CDH4: variants seen among roughly 807,000 people sequenced by gnomAD.
CDH4 encodes cadherin 4.
Under a neutral mutation model 86.0 loss-of-function variants are expected in CDH4, and 33 were observed. The ratio of observed to expected loss-of-function variants is 0.38; its 90% CI spans 0.29 to 0.51. The LOEUF is 0.51. Among genes scored for constraint, CDH4 ranks in the 20% least tolerant of loss-of-function variants. The pLI is 0.86. For synonymous variants in CDH4, 555 were observed against 549.4 expected (o/e 1.01, Z -0.14); for missense variants, 1,114 against 1,307.4 (o/e 0.85, Z 2.28).
At chr20:61,622,298 G>A (rs534380934) in intron 2 of CDH4, among the ~76,000 whole-genome samples, 13 of 152,370 alleles carry the variant, frequency 8.5e-5, no homozygotes, top group African/African-American at 2.6e-4. Context: ...TTTTATGCAC[G>A]GGGGCCACCT....
chr20:61,924,546 G>T, intron 11 of CDH4, 70 bp downstream of exon 11: 1 of 1,543,692 alleles, frequency 6.5e-7, no homozygotes, highest in Non-Finnish European at 8.8e-7. Context: ...GGGCGAGGGA[G>T]GGTGCTGGCC....
intron 2 of CDH4, among the ~76,000 whole-genome samples, chr20:61,576,830 A>G (rs2253331): frequency 0.11 from 16,422 of 152,228 alleles, 933 homozygotes; most frequent in South Asian, 0.17. Flanking sequence ...GTACCTCTCC[A>G]CAGTTTGTTT....
At chr20:61,798,155 C>A (rs1224794710) in intron 4 of CDH4, among the ~76,000 whole-genome samples, 1 of 151,782 alleles carries the variant, frequency 6.6e-6, no homozygotes, top group African/African-American at 2.4e-5. Context: ...CTGCGCCTCT[C>A]CTGAGCCAGC....
intron 6 of CDH4, among the ~76,000 whole-genome samples, chr20:61,861,335 C>G (rs1017666360): frequency 6.6e-6 from 1 of 152,206 alleles, no homozygotes; most frequent in Non-Finnish European, 1.5e-5. Context: ...GTTCTCCATA[C>G]AAATCAGCTC....
intron 4 of CDH4, among the ~76,000 whole-genome samples, chr20:61,816,480 G>C (rs6061841): frequency 0.011 from 1,727 of 152,286 alleles, 37 homozygotes; most frequent in African/African-American, 0.038. Flanking sequence ...TATTATATAT[G>C]TGCAAACTGG....
chr20:61,762,005 G>T (rs1258290470), intron 3 of CDH4, among the ~76,000 whole-genome samples: 1 of 152,264 alleles, frequency 6.6e-6, no homozygotes, highest in African/African-American at 2.4e-5. Flanking sequence ...AAGCTGCAAT[G>T]CTTTGCCTTT....
At chr20:61,271,723 C>T (rs924742243) in intron 2 of CDH4, among the ~76,000 whole-genome samples, 1 of 152,220 alleles carries the variant, frequency 6.6e-6, no homozygotes. Flanking sequence ...TTGTGCCTTA[C>T]CCTGGGCAAG....
In CDH4 at chr20:61,252,595, C is replaced by T; in HGVS notation, c.57+25C>T. The T allele has an allele frequency of 8.3e-7, 1 of 1,198,846 alleles. No individual in the cohort carries two copies. Among genetic ancestry groups the T allele is most frequent in the Non-Finnish European group, 1.0e-6 (1 of 965,166 alleles). The allele number at this position is 1,198,846 out of a possible 1,614,324, so 74.3% of individuals were successfully genotyped here. ...GGTAAGTTGCCGCCTCCCGCCCCCG[C>T]CGTTCGGAAGCCCCGGGCAGCGGGA... On this transcript the variant is annotated intron_variant, in intron 1 of 15. Transcript: ENST00000614565. This position sits in a 1 kb window ranked among gnomAD's most constrained non-coding sequence, Gnocchi z 4.4.
At chr20:61,685,323 C>T (rs2087562122) in intron 2 of CDH4, among the ~76,000 whole-genome samples, 1 of 152,236 alleles carries the variant, frequency 6.6e-6, no homozygotes, top group Non-Finnish European at 1.5e-5. Context: ...ATTCATGTCT[C>T]AAAGCAACTT....
intron 2 of CDH4, among the ~76,000 whole-genome samples, chr20:61,696,877 A>T (rs1342369569): frequency 2.0e-5 from 3 of 152,186 alleles, no homozygotes; most frequent in Non-Finnish European, 4.4e-5. Context: ...CGCACCCTAA[A>T]TCCAATGGCA....
intron 2 of CDH4, among the ~76,000 whole-genome samples, chr20:61,362,019 C>A (rs1430179665): frequency 6.6e-6 from 1 of 152,236 alleles, no homozygotes; most frequent in Non-Finnish European, 1.5e-5. Flanking sequence ...CCAGTTGGAG[C>A]AGCTCGGAGA....
At chr20:61,820,479 G>T (rs1980960526) in intron 4 of CDH4, among the ~76,000 whole-genome samples, 1 of 152,200 alleles carries the variant, frequency 6.6e-6, no homozygotes, top group Non-Finnish European at 1.5e-5. Context: ...AGTCACCCAA[G>T]GAGGCTCCTC....
chr20:61,624,165 C>T lies in CDH4; in HGVS notation c.170-119398C>T, dbSNP rs531825544. Among the ~76,000 whole-genome samples, 12 of 152,278 alleles carry T rather than the reference C, an allele frequency of 7.9e-5. No homozygotes were observed. In the East Asian group the frequency reaches 9.7e-4, roughly 12 times the overall value. On this transcript the variant is annotated intron_variant, in intron 2 of 15. Transcript: ENST00000614565. ...GGTAAAACTCCATGACCCAAGCATC[C>T]GGTCAGTGTTCCCCAAAGCCGTCGT...
rs753801206 is a variant in CDH4, at chr20:61,681,755, G to T, written c.170-61808G>T. Among the ~76,000 whole-genome samples the T allele has an allele frequency of 6.6e-6, 1 of 152,226 alleles. No homozygotes were observed. The highest frequency in any genetic ancestry group is 1.5e-5 in the Non-Finnish European group (1 of 68,042). On this transcript the variant is annotated intron_variant, in intron 2 of 15. Transcript: ENST00000614565. The surrounding 1 kb of genome is among the most constrained non-coding windows in gnomAD (Gnocchi z 4.5). The stretch of plus-strand genomic sequence containing the variant: ...TGCCACCCTAGAAAGCCCTGCGTCG[G>T]TGTTGCTGTGTTCTCAGGCCCGTGC...
chr20:61,709,049 C>T lies in CDH4; in HGVS notation c.170-34514C>T, dbSNP rs1460893997. Among the ~76,000 whole-genome samples, 1 of 152,210 alleles carries T rather than the reference C, an allele frequency of 6.6e-6. No individual in the cohort carries two copies. Among genetic ancestry groups the T allele is most frequent in the South Asian group, 2.1e-4 (1 of 4,830 alleles). On this transcript the variant is annotated intron_variant, in intron 2 of 15. Transcript: ENST00000614565. The surrounding 1 kb of genome is among the most constrained non-coding windows in gnomAD (Gnocchi z 4.8). ...CAGTGGGGCTGCGGCCCAGCTCAGG[C>T]CTGGCTCATGATGGGAGTGTGGAGG...
intron 2 of CDH4, among the ~76,000 whole-genome samples, chr20:61,328,974 G>C (rs937724892): frequency 2.0e-5 from 3 of 152,154 alleles, no homozygotes; most frequent in African/African-American, 7.2e-5. Context: ...CTCACATGCT[G>C]AGCATCATGG....
chr20:61,574,150 T>C (rs1417031617), intron 2 of CDH4, among the ~76,000 whole-genome samples: 2 of 152,246 alleles, frequency 1.3e-5, no homozygotes, highest in African/African-American at 2.4e-5. Context: ...TTGCTGGGCG[T>C]GGTGACCACA....
At chr20:61,739,409 C>T (rs1048992174) in intron 2 of CDH4, among the ~76,000 whole-genome samples, 5 of 152,224 alleles carry the variant, frequency 3.3e-5, no homozygotes, top group African/African-American at 1.2e-4. Flanking sequence ...CCTCAGCACA[C>T]TCACCAGTCC....
chr20:61,928,572 G>A (rs908185495), intron 12 of CDH4, 149 bp downstream of exon 12: 45 of 666,652 alleles, frequency 6.8e-5, no homozygotes, highest in Middle Eastern at 3.9e-4. Flanking sequence ...CACTGGCCAC[G>A]CTTCAGCTGC....
Sources: allele counts gnomAD v4.1 joint callset (sites outside exome capture counted in the v4.1 genomes callset), GRCh38; gene constraint gnomAD v4.1.1; non-coding constraint Gnocchi (gnomAD v3.1); transcripts MANE v1.5; gene names NCBI Gene and HGNC (gene_info 2026-07-23, HGNC 2026-07-21).